Variants in GKAP1 observed in about 807,000 individuals in gnomAD.
GKAP1 encodes the protein G kinase anchoring protein 1.
In GKAP1, 31 loss-of-function variants were observed where a neutral mutation model predicts 56.7. The ratio of observed to expected loss-of-function variants is 0.55; its 90% CI spans 0.41 to 0.74. The LOEUF is 0.74. Among genes scored for constraint, GKAP1 ranks in the 30% least tolerant of loss-of-function variants. The pLI is 0.00. For synonymous variants in GKAP1, 151 were observed against 138.6 expected (o/e 1.09, Z -0.63); for missense variants, 364 against 402.3 (o/e 0.90, Z 0.82).
At chr9:83,770,904 A>G (rs1402559130) in intron 7 of GKAP1, among the ~76,000 whole-genome samples, 1 of 152,180 alleles carries the variant, frequency 6.6e-6, no homozygotes, top group African/African-American at 2.4e-5. Context: ...TCCACATGCC[A>G]ATAGAAGATT....
intron 7 of GKAP1, among the ~76,000 whole-genome samples, chr9:83,771,759 T>C (rs555965585): frequency 4.2e-4 from 64 of 152,304 alleles, no homozygotes; most frequent in African/African-American, 1.5e-3. Flanking sequence ...AAGATTTTAT[T>C]TTACAGCAAT....
At chr9:83,779,465 GCA>G (rs1943920098) in intron 7 of GKAP1, among the ~76,000 whole-genome samples, 1 of 31,754 alleles carries the variant, frequency 3.1e-5, no homozygotes, top group African/African-American at 9.1e-5. Flanking sequence ...ACACACACAC[GCA>G]CATATACATA....
chr9:83,816,915 A>G (rs1262033708), intron 2 of GKAP1, 81 bp downstream of exon 2: 1 of 151,826 alleles, frequency 6.6e-6, no homozygotes, highest in Non-Finnish European at 1.5e-5. Flanking sequence ...TGTTCCAAAC[A>G]ATAACAGAAA....
chr9:83,750,306 TGACA>T (rs141973060), intron 9 of GKAP1, among the ~76,000 whole-genome samples: 2,557 of 152,318 alleles, frequency 0.017, 63 homozygotes, highest in African/African-American at 0.059. Context: ...TTTAATTTCA[TGACA>T]GACAGCATAC....
At chr9:83,759,861 T>C (rs1183442728) in intron 8 of GKAP1, among the ~76,000 whole-genome samples, 1 of 152,228 alleles carries the variant, frequency 6.6e-6, no homozygotes, top group African/African-American at 2.4e-5. Context: ...AAACTTTGCT[T>C]TCTGCTCAAA....
At chr9:83,804,266 G>A (rs1430297284) in intron 3 of GKAP1, among the ~76,000 whole-genome samples, 4 of 145,300 alleles carry the variant, frequency 2.8e-5, no homozygotes, top group East Asian at 2.1e-4. Context: ...TCAGCCCCCC[G>A]CCCGGCCAGC....
chr9:83,789,393 T>C (rs1490254604), intron 4 of GKAP1, among the ~76,000 whole-genome samples: 1 of 152,206 alleles, frequency 6.6e-6, no homozygotes, highest in Non-Finnish European at 1.5e-5. Flanking sequence ...GGATGCGACT[T>C]TGAGTTGTCC....
intron 4 of GKAP1, chr9:83,789,205 A>G (rs1480471464): frequency 6.6e-6 from 1 of 152,254 alleles, no homozygotes; most frequent in Non-Finnish European, 1.5e-5. Flanking sequence ...TCAAAATGAT[A>G]AACTATATGG....
chr9:83,810,076 T>C (rs1450020364), intron 2 of GKAP1, among the ~76,000 whole-genome samples: 1 of 152,160 alleles, frequency 6.6e-6, no homozygotes, highest in African/African-American at 2.4e-5. Flanking sequence ...CCTCCCAAAG[T>C]GCTGGGATTA....
intron 7 of GKAP1, among the ~76,000 whole-genome samples, chr9:83,776,191 G>A (rs1943858638): frequency 6.6e-6 from 1 of 151,976 alleles, no homozygotes; most frequent in Non-Finnish European, 1.5e-5. Context: ...GGATTGAGTT[G>A]GGCTTCTGTT....
rs775796160 is a variant in GKAP1, at chr9:83,788,613, T to C, written c.426A>G (p.Glu142=). 4 of 1,581,148 alleles carry C rather than the reference T, an allele frequency of 2.5e-6. No homozygotes were observed. Among genetic ancestry groups the C allele is most frequent in the Non-Finnish European group, 3.5e-6 (4 of 1,155,476 alleles). Residue 142 remains glutamate, a synonymous_variant, in exon 5 of 13, where the codon GAA becomes GAG. Transcript: ENST00000376371. ...AGTATGTAAATACCTTTTTGTGCTC[T>C]TCATATTCTAGTTTACTTAGTAACA... is the stretch of plus-strand genomic sequence containing the variant. The part of the protein sequence containing the change: ...KALLLSKLEY[E]EHKKEYEDAE...
At chr9:83,746,507 C>T (rs1316439738) in intron 10 of GKAP1, among the ~76,000 whole-genome samples, 2 of 152,050 alleles carry the variant, frequency 1.3e-5, no homozygotes, top group Admixed American at 1.3e-4. Flanking sequence ...TAAAGACCAT[C>T]CTGGCCAACA....
intron 10 of GKAP1, among the ~76,000 whole-genome samples, chr9:83,744,064 A>G (rs996083750): frequency 6.6e-6 from 1 of 152,230 alleles, no homozygotes; most frequent in African/African-American, 2.4e-5. Flanking sequence ...GTTTAATATG[A>G]TAAGATGAAA....
intron 4 of GKAP1, among the ~76,000 whole-genome samples, chr9:83,796,122 G>T (rs1944242375): frequency 6.6e-6 from 1 of 151,758 alleles, no homozygotes; most frequent in African/African-American, 2.4e-5. Flanking sequence ...TTTAGAGCTA[G>T]GGTCTCACTA....
chr9:83,786,146 AC>A (rs1389198896), intron 5 of GKAP1, among the ~76,000 whole-genome samples: 1 of 152,214 alleles, frequency 6.6e-6, no homozygotes, highest in African/African-American at 2.4e-5. Context: ...CTGAGAACAT[AC>A]ATCTCTCAAT....
intron 9 of GKAP1, among the ~76,000 whole-genome samples, chr9:83,749,628 G>GA (rs1389602892): frequency 6.6e-6 from 1 of 152,056 alleles, no homozygotes; most frequent in African/African-American, 2.4e-5. Context: ...ATTAATATAA[G>GA]AAAAATCATT....
intron 10 of GKAP1, among the ~76,000 whole-genome samples, chr9:83,747,827 T>C (rs1225059304): frequency 1.3e-5 from 2 of 152,094 alleles, no homozygotes; most frequent in East Asian, 1.9e-4. Flanking sequence ...AGTAGAGATG[T>C]GGTTTCACCA....
In GKAP1 at chr9:83,768,962, A is replaced by T; in HGVS notation, c.594T>A (p.Ser198Arg). 1.9e-6 allele frequency: 3 copies of T among 1,606,118 alleles called. No individual in the cohort carries two copies. The highest frequency in any genetic ancestry group is 2.5e-6 in the Non-Finnish European group (3 of 1,177,678). The stretch of plus-strand genomic sequence containing the variant: ...CATCATGTGATAAAGTCTGAGAAGA[A>T]CTCAATTCCTGTCAAAAATGAATTA... ...DHISKKTEEL[S>R]SSQTLSHDGG... The change falls in exon 8 of 13, where the codon AGT becomes AGA. Residue 198 changes from serine (S) to arginine (R), a missense_variant. Ser to Arg is a moderately radical substitution (Grantham distance 110). Coordinates refer to ENST00000376371, the MANE Select transcript of GKAP1 (RefSeq NM_025211.4).
At chr9:83,806,183 A>G in intron 3 of GKAP1, 119 bp downstream of exon 3, 1 of 635,948 alleles carries the variant, frequency 1.6e-6, no homozygotes, top group East Asian at 2.7e-5. Flanking sequence ...TCATTGAAGT[A>G]ATATTTTCAG....
Sources: allele counts gnomAD v4.1 joint callset (sites outside exome capture counted in the v4.1 genomes callset), GRCh38; gene constraint gnomAD v4.1.1; transcripts MANE v1.5; gene names NCBI Gene and HGNC (gene_info 2026-07-23, HGNC 2026-07-21).